Variants in CDH5 observed in about 807,000 individuals in gnomAD.
CDH5 encodes the protein cadherin 5, also known as cadherin-5.
A neutral mutation model predicts 62.0 loss-of-function variants in CDH5; 28 were observed. The observed-to-expected ratio is 0.45, with a 90% confidence interval of 0.33 to 0.62. CDH5 has a LOEUF of 0.62. CDH5 is among the 20% of genes least tolerant of loss of function. CDH5 has a pLI of 0.02. For missense variants in CDH5, 940 were observed against 1,065.1 expected (o/e 0.88, Z 1.63); for synonymous variants, 464 against 445.8 (o/e 1.04, Z -0.52).
At position 66,402,959 on chromosome 16, in the gene CDH5, G is replaced by T; in HGVS notation, c.2145G>T (p.Glu715Asp). The T allele has an allele frequency of 6.2e-7, 1 of 1,612,898 alleles. No individual in the cohort carries two copies. Among genetic ancestry groups the T allele is most frequent in the Non-Finnish European group, 8.5e-7 (1 of 1,179,940 alleles). Reference sequence around the variant, plus strand: ...CCATGATCGAGGTGAAGAAGGACGAGGCGGACCACGACGGCGACGGCCCCC... The same window carrying T: ...CCATGATCGAGGTGAAGAAGGACGATGCGGACCACGACGGCGACGGCCCCC... Reference protein sequence around the residue: ...MAAMIEVKKDEADHDGDGPPY... With the variant: ...MAAMIEVKKDDADHDGDGPPY... The change falls in exon 12 of 12, where the codon GAG becomes GAT. Residue 715 changes from glutamate to aspartate, a missense_variant. Coordinates refer to ENST00000341529, the MANE Select transcript of CDH5 (RefSeq NM_001795.5).
intron 1 of CDH5, among the ~76,000 whole-genome samples, chr16:66,367,111 G>A (rs1960601520): frequency 6.6e-6 from 1 of 152,256 alleles, no homozygotes; most frequent in African/African-American, 2.4e-5. Context: ...CGGGGCAGAG[G>A]ACTGGCACCC....
intron 7 of CDH5, 183 bp downstream of exon 7, chr16:66,392,566 C>T: frequency 2.8e-6 from 2 of 705,940 alleles, no homozygotes; most frequent in Admixed American, 5.7e-5. Flanking sequence ...TCTTGACCTG[C>T]CTGGACTCCC....
At chr16:66,372,789 C>T (rs186757529) in intron 1 of CDH5, among the ~76,000 whole-genome samples, 6 of 152,272 alleles carry the variant, frequency 3.9e-5, no homozygotes, top group Admixed American at 2.0e-4. Flanking sequence ...CTGTTTAATC[C>T]TGGGCTCCAC....
chr16:66,367,951 G>C (rs935489500), intron 1 of CDH5, among the ~76,000 whole-genome samples: 1 of 152,188 alleles, frequency 6.6e-6, no homozygotes, highest in Admixed American at 6.5e-5. Context: ...TCCTGGTTGT[G>C]AATGTGATAA....
At chr16:66,373,199 C>T (rs1299414868) in intron 1 of CDH5, among the ~76,000 whole-genome samples, 1 of 152,046 alleles carries the variant, frequency 6.6e-6, no homozygotes, top group Non-Finnish European at 1.5e-5. Context: ...TGAGAACGAC[C>T]GAGAGATGTG....
Position 66,398,070 on chromosome 16 carries a change from C to A in CDH5, c.1449C>A (p.Tyr483Ter). The change falls in exon 9 of 12, where the codon TAC (tyrosine) becomes TAA (stop). Residue 483 changes from tyrosine to a stop codon, truncating the protein, a stop_gained. Coordinates refer to ENST00000341529, the MANE Select transcript of CDH5 (RefSeq NM_001795.5). LOFTEE classifies it high-confidence loss of function. ...ATGCCCCGGAGTTTGCCAAGCCCTA[C>A]CAGCCCAAAGTGTGTGAGAACGCTG... is the stretch of plus-strand genomic sequence containing the variant. ...NDNAPEFAKPYQPKVCENAVH... is the reference protein window; with the variant it reads ...NDNAPEFAKP 1 of 1,614,218 alleles carries A rather than the reference C, an allele frequency of 6.2e-7. No individual in the cohort carries two copies. The highest frequency in any genetic ancestry group is 8.5e-7 in the Non-Finnish European group (1 of 1,180,036).
In CDH5 at chr16:66,398,487, A is replaced by C; in HGVS notation, c.1517A>C (p.Asp506Ala). 6.2e-7 allele frequency: 1 copy of C among 1,609,544 alleles called. No individual in the cohort carries two copies. The highest frequency in any genetic ancestry group is 8.5e-7 in the Non-Finnish European group (1 of 1,175,720). Reference protein sequence around the residue: ...LVLQISAIDKDITPRNVKFKF... With the variant: ...LVLQISAIDKAITPRNVKFKF... ...CTGCAGATCTCCGCAATAGACAAGG[A>C]CATAACACCACGAAACGTGAAGTTC... Residue 506 changes from aspartate to alanine, a missense_variant, in exon 10 of 12, where the codon GAC becomes GCC. Asp to Ala is a moderately radical substitution (Grantham distance 126). Coordinates refer to ENST00000341529, the MANE Select transcript of CDH5 (RefSeq NM_001795.5).
At chr16:66,400,220 C>G (rs1961256570) in intron 10 of CDH5, among the ~76,000 whole-genome samples, 1 of 152,198 alleles carries the variant, frequency 6.6e-6, no homozygotes, top group South Asian at 2.1e-4. Context: ...TTTCCCAGTT[C>G]CAAACTGCCT....
intron 2 of CDH5, among the ~76,000 whole-genome samples, chr16:66,385,325 C>T (rs1960964665): frequency 6.6e-6 from 1 of 152,114 alleles, no homozygotes; most frequent in African/African-American, 2.4e-5. Context: ...AGATGCTTTA[C>T]ATATATTATT....
chr16:66,370,869 G>A (rs1001903658), intron 1 of CDH5, among the ~76,000 whole-genome samples: 1 of 152,240 alleles, frequency 6.6e-6, no homozygotes, highest in African/African-American at 2.4e-5. Flanking sequence ...CCTCGAGGCT[G>A]GAAGGGGCAG....
At chr16:66,401,271 G>A (rs996261644) in intron 11 of CDH5, among the ~76,000 whole-genome samples, 63 of 152,194 alleles carry the variant, frequency 4.1e-4, no homozygotes, top group African/African-American at 1.5e-3. Context: ...CCACGCATCA[G>A]GCCAGTATCA....
intron 1 of CDH5, among the ~76,000 whole-genome samples, chr16:66,368,127 G>T (rs1283072247): frequency 6.6e-6 from 1 of 152,206 alleles, no homozygotes; most frequent in Non-Finnish European, 1.5e-5. Context: ...TGTGTGATGG[G>T]CAGATAGGAT....
intron 11 of CDH5, 56 bp from the exon 12 acceptor site, chr16:66,402,596 G>A (rs980320322): frequency 2.8e-6 from 4 of 1,449,558 alleles, no homozygotes; most frequent in African/African-American, 1.4e-5. Flanking sequence ...GGGGCATGGG[G>A]GGCCGCCCAG....
intron 4 of CDH5, 107 bp from the exon 5 acceptor site, chr16:66,389,251 T>G (rs1961038825): frequency 9.3e-7 from 1 of 1,073,108 alleles, no homozygotes; most frequent in Non-Finnish European, 1.3e-6. Context: ...ATTTGCACAG[T>G]GGAATCACCA....
intron 1 of CDH5, among the ~76,000 whole-genome samples, chr16:66,373,145 C>T (rs1220099581): frequency 6.6e-6 from 1 of 152,142 alleles, no homozygotes; most frequent in Non-Finnish European, 1.5e-5. Flanking sequence ...GTCTGGGGTG[C>T]CCCAAATCTA....
At chr16:66,393,563 A>C (rs1333996210) in intron 7 of CDH5, among the ~76,000 whole-genome samples, 1 of 152,206 alleles carries the variant, frequency 6.6e-6, no homozygotes, top group Non-Finnish European at 1.5e-5. Context: ...TAACCCATTC[A>C]TGAGAACTCT....
intron 2 of CDH5, among the ~76,000 whole-genome samples, chr16:66,386,088 T>A (rs145475817): frequency 8.0e-5 from 12 of 150,922 alleles, no homozygotes; most frequent in African/African-American, 2.6e-4. Flanking sequence ...TTAGAGAGGT[T>A]AAGTGACTTC....
chr16:66,389,300 A>G, intron 4 of CDH5, 58 bp from the exon 5 acceptor site: 2 of 1,542,754 alleles, frequency 1.3e-6, no homozygotes, highest in Non-Finnish European at 1.8e-6. Flanking sequence ...GGCAGGCCCT[A>G]GGCATCGGTA....
At chr16:66,400,481 G>T (rs1961260581) in intron 10 of CDH5, among the ~76,000 whole-genome samples, 1 of 152,214 alleles carries the variant, frequency 6.6e-6, no homozygotes, top group Non-Finnish European at 1.5e-5. Context: ...TTAGGGAAGA[G>T]GAAGGGGAGA....
Sources: gnomAD v4.1 joint callset for allele counts (sites outside exome capture counted in the v4.1 genomes callset) on GRCh38, gnomAD v4.1.1 for gene constraint, MANE v1.5 for transcripts, NCBI Gene and HGNC (gene_info 2026-07-23, HGNC 2026-07-21) for gene names.